Variants in ALLC observed in about 807,000 individuals in gnomAD.
ALLC encodes allantoicase, also known as probable inactive allantoicase.
In ALLC, 40 loss-of-function variants were observed where a neutral mutation model predicts 45.0. The observed-to-expected ratio is 0.89, with a 90% CI of 0.69 to 1.16. The LOEUF is 1.16. Among genes scored for constraint, ALLC ranks in the 50% most tolerant of loss-of-function variants. ALLC has a pLI of 0.00. For missense variants in ALLC, 488 were observed against 493.1 expected, an observed-to-expected ratio of 0.99 and a Z score of 0.10; for synonymous variants, 176 against 178.1, an observed-to-expected ratio of 0.99 and a Z score of 0.09.
At chr2:3,682,682 C>A (rs997004994) in intron 6 of ALLC, among the ~76,000 whole-genome samples, 6 of 152,088 alleles carry the variant, frequency 3.9e-5, no homozygotes, top group Admixed American at 3.3e-4. Flanking sequence ...CCCGCCACCA[C>A]GCCCGGCTAA....
rs767116455 is a variant in ALLC at position 3,696,343 on chromosome 2, T to G, written c.736T>G (p.Leu246Val). 33 of 1,611,382 alleles carry G rather than the reference T, an allele frequency of 2.0e-5. No homozygotes were observed. Among genetic ancestry groups the G allele is most frequent in the Non-Finnish European group, 2.8e-5 (33 of 1,178,802 alleles). Residue 246 changes from leucine (L) to valine (V), a missense_variant, in exon 9 of 12, where the codon TTA (leucine) becomes GTA (valine). Coordinates refer to ENST00000252505, the MANE Select transcript of ALLC (RefSeq NM_018436.4). ...TARRLDRPPI[L>V]ENDENGILLV... ...AAGAAGGCTGGACCGGCCACCAATA[T>G]TAGAAGTAAGAAGTTAAAAATAACT...
intron 1 of ALLC, among the ~76,000 whole-genome samples, chr2:3,660,135 G>T (rs913183905): frequency 6.6e-6 from 1 of 152,156 alleles, no homozygotes; most frequent in African/African-American, 2.4e-5. Context: ...TGAATGGCTT[G>T]GTGCCGTTCT....
chr2:3,651,305 TG>T, the ALLC span, among the ~76,000 whole-genome samples: 10 of 23,360 alleles, frequency 4.3e-4, 2 homozygotes, highest in East Asian at 8.0e-3. Flanking sequence ...TTTGGGTGGG[TG>T]GGTGGGTGGG....
chr2:3,668,226 G>T (rs886254385), intron 1 of ALLC, among the ~76,000 whole-genome samples: 1 of 152,186 alleles, frequency 6.6e-6, no homozygotes, highest in Non-Finnish European at 1.5e-5. Context: ...TCAGGCAAAA[G>T]CTTGGAGGGA....
intron 11 of ALLC, among the ~76,000 whole-genome samples, chr2:3,701,936 G>T (rs115435953): frequency 6.6e-6 from 1 of 152,140 alleles, no homozygotes; most frequent in African/African-American, 2.4e-5. Flanking sequence ...CTCTAATGGC[G>T]TGTCCACCTG....
intron 1 of ALLC, among the ~76,000 whole-genome samples, chr2:3,658,643 G>A (rs1666498058): frequency 6.6e-6 from 1 of 152,094 alleles, no homozygotes; most frequent in Admixed American, 6.5e-5. Flanking sequence ...CGAGGTGGGT[G>A]GATTGCTTGA....
upstream of ALLC, among the ~76,000 whole-genome samples, chr2:3,654,566 C>A (rs542960636): frequency 1.3e-5 from 2 of 152,336 alleles, no homozygotes; most frequent in South Asian, 4.1e-4. Flanking sequence ...CCCACACATT[C>A]AGGTTATCAT....
At chr2:3,656,912 G>C (rs992836477), upstream of ALLC, among the ~76,000 whole-genome samples, 2 of 152,072 alleles carry the variant, frequency 1.3e-5, no homozygotes, top group South Asian at 2.1e-4. Flanking sequence ...GCGAAACCAC[G>C]AGGATAAAAA....
chr2:3,674,534 C>T (rs752367392), intron 3 of ALLC, among the ~76,000 whole-genome samples: 28 of 152,174 alleles, frequency 1.8e-4, no homozygotes, highest in Non-Finnish European at 3.2e-4. Context: ...GAAGAAATGG[C>T]GGCCCTGCTG....
Position 3,678,541 on chromosome 2 carries a change from G to A in ALLC, c.158G>A (p.Arg53Lys). 1 of 1,613,862 alleles carries A rather than the reference G, an allele frequency of 6.2e-7. No homozygotes were observed. The highest frequency in any genetic ancestry group is 8.5e-7 in the Non-Finnish European group (1 of 1,179,742). The change falls in exon 4 of 12, where the codon AGG (arginine) becomes AAG (lysine). Residue 53 changes from arginine to lysine, a missense_variant. By Grantham distance (26) the Arg-to-Lys change is conservative. Coordinates refer to ENST00000252505, the MANE Select transcript of ALLC (RefSeq NM_018436.4). The stretch of plus-strand genomic sequence containing the variant: ...TGGATGGATGGCTGGGAGACCAGGA[G>A]GAAAAGGATTCCAGGTAATAACAAC... ...GKWMDGWETR[R>K]KRIPGHDWCV...
At chr2:3,658,382 A>T (rs1666489395) in intron 1 of ALLC, 88 bp downstream of exon 1, 1 of 152,258 alleles carries the variant, frequency 6.6e-6, no homozygotes, top group Non-Finnish European at 1.5e-5. Context: ...AATTTCAGTC[A>T]TGCAACGAAC....
chr2:3,674,746 T>C (rs529825067), intron 3 of ALLC, among the ~76,000 whole-genome samples: 5 of 152,250 alleles, frequency 3.3e-5, no homozygotes, highest in African/African-American at 1.2e-4. Flanking sequence ...CAAGCTGAAG[T>C]ATGGCCCTGA....
the ALLC span, among the ~76,000 whole-genome samples, chr2:3,650,646 C>T: frequency 4.6e-5 from 7 of 152,176 alleles, no homozygotes; most frequent in Admixed American, 1.3e-4. Context: ...GCTCCTGGGG[C>T]GTCTCGCACT....
intron 1 of ALLC, among the ~76,000 whole-genome samples, chr2:3,663,275 C>T (rs1230074400): frequency 6.6e-6 from 1 of 152,148 alleles, no homozygotes; most frequent in Admixed American, 6.6e-5. Context: ...TTTGTAGGAA[C>T]ATGAATGGAG....
chr2:3,695,671 A>G (rs1355350062), intron 7 of ALLC, 46 bp from the exon 8 acceptor site: 1 of 1,611,600 alleles, frequency 6.2e-7, no homozygotes, highest in South Asian at 1.1e-5. Context: ...ATGATACACA[A>G]GCAGCCATTT....
At chr2:3,695,582 T>C in intron 7 of ALLC, 135 bp from the exon 8 acceptor site, 1 of 918,404 alleles carries the variant, frequency 1.1e-6, no homozygotes, top group East Asian at 2.6e-5. Context: ...GGGCTTGTTG[T>C]ATTTGAGAAA....
At position 3,672,084 on chromosome 2, in the gene ALLC, GCTGTGGTTAGATCGGAGGTC is replaced by G. The variant is rs1290622879; in HGVS notation, c.33+897_33+916del. Among the ~76,000 whole-genome samples, 94 of 113,718 alleles carry G rather than the reference GCTGTGGTTAGATCGGAGGTC, an allele frequency of 8.3e-4. 1 individual carries two copies. The highest frequency in any genetic ancestry group is 3.6e-3 in the African/African-American group (84 of 23,630). 74.6% of individuals were successfully genotyped at this position (113,718 alleles called of 152,430 possible). ...CTCTGGTTAGATGGGAGGTCCTCTG[GCTGTGGTTAGATCGGAGGTC>G]CTCTGGCTCTAGTTAGATTGGAGGT... On this transcript the variant is annotated intron_variant, in intron 2 of 11. Coordinates refer to ENST00000252505, the MANE Select transcript of ALLC (RefSeq NM_018436.4).
chr2:3,660,339 C>G (rs1666541471), intron 1 of ALLC, among the ~76,000 whole-genome samples: 1 of 152,182 alleles, frequency 6.6e-6, no homozygotes, highest in African/African-American at 2.4e-5. Context: ...TCTGTACCGC[C>G]TGCAGAACCA....
chr2:3,699,130 G>T (rs1252316249), intron 10 of ALLC, among the ~76,000 whole-genome samples: 1 of 152,140 alleles, frequency 6.6e-6, no homozygotes, highest in East Asian at 1.9e-4. Context: ...TATCACGTAG[G>T]TATCAAGTAT....
Sources: gnomAD v4.1 joint callset for allele counts (sites outside exome capture counted in the v4.1 genomes callset) on GRCh38, gnomAD v4.1.1 for gene constraint, MANE v1.5 for transcripts, NCBI Gene and HGNC (gene_info 2026-07-23, HGNC 2026-07-21) for gene names.